Variants in SH2D4A observed in about 807,000 individuals in gnomAD.
SH2D4A encodes SH2 domain-containing protein 4A.
SH2D4A carries 70 observed loss-of-function variants against 64.7 expected under a neutral mutation model. That is an observed-to-expected ratio of 1.08 (90% confidence interval 0.89 to 1.32). SH2D4A has a LOEUF of 1.32. Ranked by LOEUF, SH2D4A falls within the 40% of genes most tolerant of loss-of-function variation. SH2D4A has a pLI of 0.00. For synonymous variants in SH2D4A, 268 were observed against 200.7 expected, an observed-to-expected ratio of 1.34 and a Z score of -2.83; for missense variants, 706 against 540.1, an observed-to-expected ratio of 1.31 and a Z score of -3.04.
At chr8:19,373,313 T>G (rs1335201610) in intron 7 of SH2D4A, among the ~76,000 whole-genome samples, 1 of 149,910 alleles carries the variant, frequency 6.7e-6, no homozygotes, top group East Asian at 1.9e-4. Flanking sequence ...TCCCTCCCAT[T>G]CTCTCTCTCC....
intron 5 of SH2D4A, among the ~76,000 whole-genome samples, chr8:19,358,435 C>G (rs1463212586): frequency 1.3e-5 from 2 of 152,020 alleles, no homozygotes; most frequent in African/African-American, 4.8e-5. Flanking sequence ...CTGAAGAATC[C>G]TGGGAGGATG....
In SH2D4A at chr8:19,361,302, T is replaced by C; in HGVS notation, c.694T>C (p.Trp232Arg). 1 of 1,611,324 alleles carries C rather than the reference T, an allele frequency of 6.2e-7. No individual in the cohort carries two copies. The highest frequency in any genetic ancestry group is 8.5e-7 in the Non-Finnish European group (1 of 1,179,234). Residue 232 changes from tryptophan to arginine, a missense_variant, in exon 6 of 10, where the codon TGG becomes CGG. Physicochemically the swap from Trp to Arg is moderately radical, Grantham distance 101 (BLOSUM62 -3). Coordinates refer to ENST00000265807, the MANE Select transcript of SH2D4A (RefSeq NM_022071.4). ...TAAGAGCTGGAAAGAAGACTCGGAA[T>C]GGCAGGCATCTCGTGAGTACCCAGA... ...ICKSWKEDSE[W>R]QASLRKSKAA... is the part of the protein sequence containing the mutation.
chr8:19,348,164 T>C (rs151221614), intron 4 of SH2D4A, among the ~76,000 whole-genome samples: 1 of 152,172 alleles, frequency 6.6e-6, no homozygotes, highest in Non-Finnish European at 1.5e-5. Flanking sequence ...GGTGCAATAA[T>C]GAGTCACTAC....
intron 2 of SH2D4A, among the ~76,000 whole-genome samples, chr8:19,328,516 T>C (rs2052319465): frequency 6.6e-6 from 1 of 152,172 alleles, no homozygotes; most frequent in East Asian, 1.9e-4. Context: ...TCTTGAATAC[T>C]GTCATTTCCT....
intron 4 of SH2D4A, among the ~76,000 whole-genome samples, chr8:19,335,231 T>C (rs1364163820): frequency 6.6e-6 from 1 of 151,398 alleles, no homozygotes; most frequent in Non-Finnish European, 1.5e-5. Context: ...GAGCTTGCAG[T>C]GAGCCGAGAT....
At chr8:19,314,108 C>T in intron 1 of SH2D4A, 2 of 504,390 alleles carry the variant, frequency 4.0e-6, no homozygotes, top group Non-Finnish European at 2.6e-6. Context: ...GGCCTGGGGG[C>T]TTGCAGGGGG....
intron 2 of SH2D4A, among the ~76,000 whole-genome samples, chr8:19,324,811 C>T (rs1050922985): frequency 6.6e-6 from 1 of 152,124 alleles, no homozygotes; most frequent in African/African-American, 2.4e-5. Context: ...TGTATAATCT[C>T]ACAATGTTCA....
At chr8:19,393,997 T>C (rs960534301) in intron 9 of SH2D4A, among the ~76,000 whole-genome samples, 1 of 128,346 alleles carries the variant, frequency 7.8e-6, no homozygotes, top group African/African-American at 3.0e-5. Flanking sequence ...TAGTGTAGAA[T>C]CAGTGGGAGC....
intron 4 of SH2D4A, 59 bp from the exon 5 acceptor site, chr8:19,357,144 A>G: frequency 7.5e-7 from 1 of 1,326,984 alleles, no homozygotes; most frequent in Non-Finnish European, 1.1e-6. Context: ...TTGACAGATT[A>G]TCTTATGAAA....
At chr8:19,331,183 C>G (rs776316916) in intron 2 of SH2D4A, among the ~76,000 whole-genome samples, 1 of 152,226 alleles carries the variant, frequency 6.6e-6, no homozygotes, top group Non-Finnish European at 1.5e-5. Context: ...TTTGAGCAGC[C>G]TGCTTTGGTA....
chr8:19,333,670 G>C (rs1279755759), intron 3 of SH2D4A, among the ~76,000 whole-genome samples: 2 of 152,174 alleles, frequency 1.3e-5, no homozygotes, highest in Non-Finnish European at 2.9e-5. Context: ...AGGAGAAGTA[G>C]ACATATGCAC....
intron 5 of SH2D4A, among the ~76,000 whole-genome samples, chr8:19,360,411 C>T (rs546434567): frequency 2.0e-5 from 3 of 150,660 alleles, no homozygotes; most frequent in Admixed American, 6.6e-5. Context: ...GTCAGAAGTT[C>T]GAGACCAGCC....
chr8:19,347,244 G>A (rs114833821), intron 4 of SH2D4A, among the ~76,000 whole-genome samples: 58 of 152,318 alleles, frequency 3.8e-4, no homozygotes, highest in African/African-American at 1.3e-3. Context: ...CCTCCTGCCA[G>A]GTTTTGAGAC....
intron 4 of SH2D4A, among the ~76,000 whole-genome samples, chr8:19,347,171 A>C (rs1350286100): frequency 6.6e-6 from 1 of 152,216 alleles, no homozygotes; most frequent in Non-Finnish European, 1.5e-5. Context: ...CACAGCGAAC[A>C]CGCAGAGTTA....
chr8:19,383,393 GT>G (rs1243294785), intron 8 of SH2D4A, among the ~76,000 whole-genome samples: 296 of 141,540 alleles, frequency 2.1e-3, no homozygotes, highest in Middle Eastern at 3.6e-3. Flanking sequence ...TTTGTTCTTG[GT>G]TTTTTTTTTT....
chr8:19,388,176 G>T (rs1169271733), intron 8 of SH2D4A, among the ~76,000 whole-genome samples: 1 of 152,174 alleles, frequency 6.6e-6, no homozygotes, highest in African/African-American at 2.4e-5. Context: ...GGGTTAAAAA[G>T]CATAGTGAGT....
rs536554456 is a variant in SH2D4A, at chr8:19,319,245, G to A, written c.-204-99G>A. 78 of 891,200 alleles carry A rather than the reference G, an allele frequency of 8.8e-5. No individual in the cohort carries two copies. The East Asian group carries it at 5.2e-3, about 59-fold the overall frequency. 55.2% of individuals were successfully genotyped at this position (891,200 alleles called of 1,614,324 possible). ...CTCTTTTCTCTCTGAACTGAAAAGT[G>A]ATACTGTGTTTCCTCCTAGCTTTTT... On this transcript the variant is annotated intron_variant, in intron 1 of 9. Coordinates refer to ENST00000265807, the MANE Select transcript of SH2D4A (RefSeq NM_022071.4).
intron 2 of SH2D4A, among the ~76,000 whole-genome samples, chr8:19,320,623 C>CAA (rs57328086): frequency 0.077 from 5,262 of 68,302 alleles, 363 homozygotes; most frequent in South Asian, 0.09. Flanking sequence ...GACTGTGTGT[C>CAA]AAAAAAAAAA....
At chr8:19,379,917 G>A (rs756821131) in intron 8 of SH2D4A, among the ~76,000 whole-genome samples, 2 of 151,728 alleles carry the variant, frequency 1.3e-5, no homozygotes, top group African/African-American at 2.4e-5. Context: ...TTTATTTTTT[G>A]TAGAGACAGG....
Sources: gnomAD v4.1 joint callset for allele counts (sites outside exome capture counted in the v4.1 genomes callset) on GRCh38, gnomAD v4.1.1 for gene constraint, MANE v1.5 for transcripts, NCBI Gene and HGNC (gene_info 2026-07-23, HGNC 2026-07-21) for gene names.